Variants in MYOM1 observed in about 807,000 individuals in gnomAD.
MYOM1 encodes myomesin-1.
Under a neutral mutation model 205.3 loss-of-function variants are expected in MYOM1, and 164 were observed. That is an observed-to-expected ratio of 0.80 (90% CI 0.70 to 0.91). The LOEUF is 0.91. Among genes scored for constraint, MYOM1 ranks in the 40% least tolerant of loss-of-function variants. The pLI, the probability that MYOM1 is intolerant of heterozygous loss-of-function variation, is 0.00. For synonymous variants in MYOM1, 772 were observed against 789.4 expected, an observed-to-expected ratio of 0.98 and a Z score of 0.37; for missense variants, 2,011 against 2,127.3, an observed-to-expected ratio of 0.95 and a Z score of 1.08.
chr18:3,217,602 G>C (rs1005086864), intron 1 of MYOM1, among the ~76,000 whole-genome samples: 2 of 152,160 alleles, frequency 1.3e-5, no homozygotes, highest in African/African-American at 2.4e-5. Context: ...CAGCATATAG[G>C]TGGTATCGAA....
At chr18:3,132,307 C>T (rs1416948188) in intron 16 of MYOM1, among the ~76,000 whole-genome samples, 6 of 151,772 alleles carry the variant, frequency 4.0e-5, no homozygotes, top group African/African-American at 1.2e-4. Context: ...CCCACCACCA[C>T]GCCTGGCTAA....
intron 14 of MYOM1, 117 bp downstream of exon 14, chr18:3,141,822 G>A: frequency 1.6e-6 from 2 of 1,269,082 alleles, no homozygotes; most frequent in East Asian, 2.4e-5. Flanking sequence ...AATCTAGTGA[G>A]ATCAGGACAT....
intron 2 of MYOM1, among the ~76,000 whole-genome samples, chr18:3,203,570 G>A (rs2081092951): frequency 6.6e-6 from 1 of 151,796 alleles, no homozygotes; most frequent in African/African-American, 2.4e-5. Context: ...AATTACTAAG[G>A]CTAACTTGAG....
At chr18:3,169,004 T>A (rs369607789) in intron 8 of MYOM1, 23 bp from the exon 9 acceptor site, 461 of 1,588,726 alleles carry the variant, frequency 2.9e-4, no homozygotes, top group Non-Finnish European at 3.7e-4. Context: ...ATAACAAATA[T>A]CAGTAATTTT....
At chr18:3,106,786 G>A (rs2079457789) in intron 22 of MYOM1, among the ~76,000 whole-genome samples, 3 of 152,184 alleles carry the variant, frequency 2.0e-5, no homozygotes, top group Non-Finnish European at 4.4e-5. Context: ...TCATGCCACT[G>A]CACTCCAGCC....
chr18:3,148,657 C>T (rs1001427210), intron 13 of MYOM1, among the ~76,000 whole-genome samples: 1 of 151,822 alleles, frequency 6.6e-6, no homozygotes, highest in Non-Finnish European at 1.5e-5. Flanking sequence ...ACCATCCTGG[C>T]TAACACGGTG....
At chr18:3,159,872 C>A (rs971234460) in intron 10 of MYOM1, among the ~76,000 whole-genome samples, 3 of 143,560 alleles carry the variant, frequency 2.1e-5, no homozygotes, top group African/African-American at 7.7e-5. Context: ...AATTTTCTTT[C>A]TTTTCCTTCC....
intron 33 of MYOM1, 97 bp from the exon 34 acceptor site, chr18:3,079,439 G>C: frequency 7.3e-7 from 1 of 1,363,880 alleles, no homozygotes; most frequent in South Asian, 1.6e-5. Flanking sequence ...AAGTTTTGTA[G>C]GCTTTCAAAA....
At chr18:3,186,624 C>T (rs760236732) in intron 5 of MYOM1, among the ~76,000 whole-genome samples, 5 of 151,934 alleles carry the variant, frequency 3.3e-5, no homozygotes, top group African/African-American at 7.3e-5. Flanking sequence ...ATCTCATGCC[C>T]CATATTGGGT....
In MYOM1 at chr18:3,219,664, C is replaced by T. The variant is rs2081308963; in HGVS notation, c.-29+139G>A. 6.6e-6 allele frequency: 1 copy of T among 152,220 alleles called. No individual in the cohort carries two copies. Among genetic ancestry groups the T allele is most frequent in the South Asian group, 2.1e-4 (1 of 4,824 alleles). 9.4% of individuals were successfully genotyped at this position (152,220 alleles called of 1,614,324 possible). On this transcript the variant is annotated intron_variant, in intron 1 of 37. Transcript: ENST00000356443. The surrounding 1 kb of genome is among the most constrained non-coding windows in gnomAD (Gnocchi z 4.4). Reference sequence around the variant, plus strand: ...TCTGGTTTCCCTCCCTGGAGCTTCACTTTCCTATTTCTCTGTTATTCTGAC... The same window carrying T: ...TCTGGTTTCCCTCCCTGGAGCTTCATTTTCCTATTTCTCTGTTATTCTGAC...
At position 3,126,863 on chromosome 18, in the gene MYOM1, A is replaced by T. The variant is rs2079794193; in HGVS notation, c.2829T>A (p.Leu943=). Residue 943 remains leucine, a synonymous_variant, in exon 19 of 38, where the codon CTT becomes CTA. Coordinates refer to ENST00000356443, the MANE Select transcript of MYOM1 (RefSeq NM_003803.4). ...PPSPPCDITC[L]ESFRDSMVLG... Reference sequence around the variant, plus strand: ...GAACCATTGAGTCACGAAAACTTTCAAGACAGGTGATATCACAGGGTGGAG... The same window carrying T: ...GAACCATTGAGTCACGAAAACTTTCTAGACAGGTGATATCACAGGGTGGAG... 6.2e-7 allele frequency: 1 copy of T among 1,612,400 alleles called. No homozygotes were observed. The highest frequency in any genetic ancestry group is 1.3e-5 in the African/African-American group (1 of 74,914).
At chr18:3,129,183 A>C in intron 18 of MYOM1, 49 bp downstream of exon 18, 1 of 1,571,170 alleles carries the variant, frequency 6.4e-7, no homozygotes, top group East Asian at 2.3e-5. Context: ...ATGAGAGGTG[A>C]GGACAGTGAT....
intron 33 of MYOM1, among the ~76,000 whole-genome samples, chr18:3,083,319 A>AATTCTTAAT (rs2079106240): frequency 6.6e-6 from 1 of 152,084 alleles, no homozygotes; most frequent in South Asian, 2.1e-4. Context: ...AGAATTAAGA[A>AATTCTTAAT]GACTCCTTAC....
At chr18:3,110,559 G>A (rs2079511088) in intron 22 of MYOM1, among the ~76,000 whole-genome samples, 1 of 152,142 alleles carries the variant, frequency 6.6e-6, no homozygotes, top group Admixed American at 6.5e-5. Flanking sequence ...TTATATACCT[G>A]GTACTATGTT....
At position 3,129,296 on chromosome 18, in the gene MYOM1, T is replaced by C; in HGVS notation, c.2730A>G (p.Pro910=). The C allele has an allele frequency of 6.2e-7, 1 of 1,614,018 alleles. No individual in the cohort carries two copies. Among genetic ancestry groups the C allele is most frequent in the Non-Finnish European group, 8.5e-7 (1 of 1,179,890 alleles). The change falls in exon 18 of 38, where the codon CCA becomes CCG. Residue 910 remains proline, a synonymous_variant. Transcript: ENST00000356443. ...SETVQEELTP[P]PQKAAPQGKS... is the part of the protein sequence containing the mutation. ...TCCCCTGAGGAGCCGCTTTCTGTGGTGGCGGGGTAAGCTCTTCCTGAACTG... is the reference window on the plus strand; with the variant it reads ...TCCCCTGAGGAGCCGCTTTCTGTGGCGGCGGGGTAAGCTCTTCCTGAACTG...
At chr18:3,068,750 C>G (rs527910098) in intron 37 of MYOM1, among the ~76,000 whole-genome samples, 1 of 152,214 alleles carries the variant, frequency 6.6e-6, no homozygotes, top group South Asian at 2.1e-4. Flanking sequence ...GAATGTCATA[C>G]TATGTTTATG....
At chr18:3,207,684 T>A (rs2081141240) in intron 2 of MYOM1, among the ~76,000 whole-genome samples, 1 of 152,216 alleles carries the variant, frequency 6.6e-6, no homozygotes, top group Non-Finnish European at 1.5e-5. Flanking sequence ...CCCCACTACC[T>A]GGCCAGTGCC....
At position 3,214,948 on chromosome 18, in the gene MYOM1, ATAATCG is replaced by A; in HGVS notation, c.270_275del (p.Asp91_Tyr92del). On this transcript the variant is annotated inframe_deletion, in exon 2 of 38. Coordinates refer to ENST00000356443, the MANE Select transcript of MYOM1 (RefSeq NM_003803.4). ...GTCCGACATACCCATGGGAGGAGCC[ATAATCG>A]TAGGCTGAGGCTGCCTTCCGACTGA... 1 of 1,601,448 alleles carries A rather than the reference ATAATCG, an allele frequency of 6.2e-7. No individual in the cohort carries two copies. The highest frequency in any genetic ancestry group is 8.5e-7 in the Non-Finnish European group (1 of 1,172,046).
At chr18:3,214,140 C>A (rs753454829) in intron 2 of MYOM1, among the ~76,000 whole-genome samples, 6 of 152,042 alleles carry the variant, frequency 3.9e-5, no homozygotes, top group Non-Finnish European at 8.8e-5. Flanking sequence ...AATAGTAGTT[C>A]CGAATTTTAA....
Sources: gnomAD v4.1 joint callset for allele counts (sites outside exome capture counted in the v4.1 genomes callset) on GRCh38, gnomAD v4.1.1 for gene constraint, Gnocchi (gnomAD v3.1) non-coding constraint, MANE v1.5 for transcripts, NCBI Gene and HGNC (gene_info 2026-07-23, HGNC 2026-07-21) for gene names.